Variants in MORF4L1 observed in about 807,000 individuals in gnomAD.
MORF4L1 encodes mortality factor 4 like 1.
Under a neutral mutation model 52.9 loss-of-function variants are expected in MORF4L1, and 4 were observed. That is an observed-to-expected ratio of 0.08 (90% CI 0.04 to 0.17). The LOEUF (loss-of-function observed/expected upper bound fraction) is 0.17. Ranked by LOEUF, MORF4L1 falls within the 10% of genes least tolerant of loss-of-function variation. The probability of loss-of-function intolerance (pLI) is 1.00; values close to 1 mark genes in which losing one functional copy is unlikely to be tolerated. For missense variants in MORF4L1, 214 were observed against 390.4 expected (o/e 0.55, Z 3.81); for synonymous variants, 123 against 134.8 (o/e 0.91, Z 0.61).
At chr15:78,896,540 T>C (rs934083092) in intron 11 of MORF4L1, among the ~76,000 whole-genome samples, 1 of 151,988 alleles carries the variant, frequency 6.6e-6, no homozygotes, top group African/African-American at 2.4e-5. Context: ...AACCCCAACC[T>C]CAGGTGATCA....
chr15:78,889,115 A>G (rs1374350580), intron 5 of MORF4L1, among the ~76,000 whole-genome samples: 2 of 152,344 alleles, frequency 1.3e-5, no homozygotes, highest in South Asian at 2.1e-4. Context: ...AGTCTCCACT[A>G]CAAAAATAAT....
chr15:78,887,135 G>T, intron 4 of MORF4L1, 134 bp from the exon 5 acceptor site: 1 of 694,960 alleles, frequency 1.4e-6, no homozygotes, highest in South Asian at 1.8e-5. Flanking sequence ...GATTTTTGTG[G>T]AAATATCTCT....
chr15:78,891,681 A>T (rs2141481623), intron 7 of MORF4L1, 109 bp downstream of exon 7: 1 of 839,952 alleles, frequency 1.2e-6, no homozygotes, highest in Non-Finnish European at 1.8e-6. Flanking sequence ...CATGGTTAAT[A>T]CCTGAAATTA....
chr15:78,881,188 C>CTTTTTTTTTT (rs777713555), intron 3 of MORF4L1, among the ~76,000 whole-genome samples: 9 of 13,748 alleles, frequency 6.5e-4, no homozygotes, highest in Admixed American at 4.0e-3. Context: ...AAGAGTTAAG[C>CTTTTTTTTTT]CTTTTTTTTT....
chr15:78,887,431 G>T, intron 5 of MORF4L1, 82 bp downstream of exon 5: 1 of 1,248,466 alleles, frequency 8.0e-7, no homozygotes, highest in African/African-American at 1.5e-5. Context: ...CTGTGTTGAA[G>T]TGGAAACTTT....
At chr15:78,884,639 CAAAAAA>C (rs71148577) in intron 3 of MORF4L1, among the ~76,000 whole-genome samples, 17 of 89,572 alleles carry the variant, frequency 1.9e-4, no homozygotes, top group Non-Finnish European at 3.1e-4. Context: ...AACTCTGTCT[CAAAAAA>C]AAAAAAAAAA....
chr15:78,880,666 C>T (rs2056585052), intron 3 of MORF4L1, 87 bp downstream of exon 3: 1 of 947,986 alleles, frequency 1.1e-6, no homozygotes, highest in Non-Finnish European at 1.6e-6. Context: ...CTTTTCAATT[C>T]TGCAGTTTTA....
chr15:78,875,277 A>T (rs2056463553), intron 1 of MORF4L1, among the ~76,000 whole-genome samples: 1 of 152,188 alleles, frequency 6.6e-6, no homozygotes, highest in African/African-American at 2.4e-5. Context: ...TTAGTTCTAG[A>T]GGGTTGCTAG....
Position 78,892,500 on chromosome 15 carries a change from C to G in MORF4L1, c.540+187C>G, listed in dbSNP as rs112838488. ...AGAGTAAGTTAGAAGAATAAAAGTTCACATATAAATTTTATGAGGTTATAA... is the reference window on the plus strand; with the variant it reads ...AGAGTAAGTTAGAAGAATAAAAGTTGACATATAAATTTTATGAGGTTATAA... On this transcript the variant is annotated intron_variant, in intron 8 of 11. Coordinates refer to ENST00000426013, the MANE Select transcript of MORF4L1 (RefSeq NM_006791.4). The G allele has an allele frequency of 9.2e-5, 43 of 464,968 alleles. No individual in the cohort carries two copies. The Middle Eastern group carries it at 1.7e-3, about 18-fold the overall frequency. 28.8% of individuals were successfully genotyped at this position (464,968 alleles called of 1,614,324 possible).
At chr15:78,874,507 G>A (rs2056440994) in intron 1 of MORF4L1, among the ~76,000 whole-genome samples, 1 of 151,862 alleles carries the variant, frequency 6.6e-6, no homozygotes, top group East Asian at 1.9e-4. Flanking sequence ...ACAGACGCGC[G>A]CCATCACGTC....
intron 5 of MORF4L1, among the ~76,000 whole-genome samples, chr15:78,888,886 T>C (rs1330414268): frequency 6.6e-6 from 1 of 152,214 alleles, no homozygotes; most frequent in Non-Finnish European, 1.5e-5. Flanking sequence ...TGGTAACATG[T>C]TTTCATGATC....
chr15:78,880,223 A>T (rs566027995), intron 2 of MORF4L1, among the ~76,000 whole-genome samples: 1 of 152,372 alleles, frequency 6.6e-6, no homozygotes, highest in African/African-American at 2.4e-5. Context: ...CTGGCTGATT[A>T]GACTGAGAAG....
chr15:78,886,965 A>G (rs1410569815), intron 4 of MORF4L1, among the ~76,000 whole-genome samples: 1 of 152,146 alleles, frequency 6.6e-6, no homozygotes, highest in African/African-American at 2.4e-5. Flanking sequence ...AAAAAAAAAA[A>G]AAAAAAGAAT....
At chr15:78,888,813 G>GAGAAGATAATT (rs1414181146) in intron 5 of MORF4L1, among the ~76,000 whole-genome samples, 1 of 152,082 alleles carries the variant, frequency 6.6e-6, no homozygotes, top group African/African-American at 2.4e-5. Context: ...TCTTTTTGGT[G>GAGAAGATAATT]AGAAGATAAT....
intron 11 of MORF4L1, among the ~76,000 whole-genome samples, chr15:78,896,373 G>A (rs1464275610): frequency 1.5e-5 from 2 of 133,938 alleles, no homozygotes; most frequent in Admixed American, 8.6e-5. Flanking sequence ...GTACAGTGGC[G>A]TGATCTCAGC....
intron 1 of MORF4L1, 134 bp downstream of exon 1, chr15:78,873,191 G>T: frequency 6.6e-7 from 1 of 1,519,662 alleles, no homozygotes; most frequent in Non-Finnish European, 8.8e-7. Flanking sequence ...CTTTGTGCGG[G>T]GAAAGCGCAT....
chr15:78,894,410 T>A, intron 10 of MORF4L1, 180 bp downstream of exon 10: 1 of 488,332 alleles, frequency 2.0e-6, no homozygotes. Flanking sequence ...TGTATTTTAT[T>A]TTATAATTTT....
intron 2 of MORF4L1, among the ~76,000 whole-genome samples, chr15:78,879,064 GA>G (rs1360003131): frequency 2.0e-5 from 3 of 151,758 alleles, no homozygotes; most frequent in Admixed American, 6.6e-5. Context: ...TAAATACACA[GA>G]AGTGTATTTT....
intron 1 of MORF4L1, chr15:78,877,617 C>T (rs1395581816): frequency 6.6e-6 from 1 of 152,194 alleles, no homozygotes; most frequent in Non-Finnish European, 1.5e-5. Context: ...TTGAAGTAGG[C>T]TCAACGTAGA....
Sources: gnomAD v4.1 joint callset for allele counts (sites outside exome capture counted in the v4.1 genomes callset) on GRCh38, gnomAD v4.1.1 for gene constraint, MANE v1.5 for transcripts, NCBI Gene and HGNC (gene_info 2026-07-23, HGNC 2026-07-21) for gene names.